FRAS1: variants seen among roughly 807,000 people sequenced by gnomAD.
The protein encoded by FRAS1 is Fraser extracellular matrix complex subunit 1, also known as extracellular matrix organizing protein FRAS1.
FRAS1 carries 290 observed loss-of-function variants against 435.2 expected under a neutral mutation model. That is an observed-to-expected ratio of 0.67 (90% CI 0.61 to 0.73). FRAS1 has a LOEUF of 0.73. FRAS1 is among the 30% of genes least tolerant of loss of function. The pLI, the probability that FRAS1 is intolerant of heterozygous loss-of-function variation, is 0.00. For synonymous variants in FRAS1, 1,800 were observed against 1,851.0 expected, an observed-to-expected ratio of 0.97 and a Z score of 0.71; for missense variants, 4,860 against 5,001.5, an observed-to-expected ratio of 0.97 and a Z score of 0.85.
At chr4:78,089,540 G>A (rs143797825) in intron 2 of FRAS1, among the ~76,000 whole-genome samples, 368 of 152,236 alleles carry the variant, frequency 2.4e-3, no homozygotes, top group African/African-American at 8.4e-3. Flanking sequence ...TATTTAGACT[G>A]TTTTGAATTG....
At chr4:78,270,048 C>T (rs1005284994) in intron 9 of FRAS1, among the ~76,000 whole-genome samples, 1 of 152,140 alleles carries the variant, frequency 6.6e-6, no homozygotes, top group Non-Finnish European at 1.5e-5. Context: ...CTGGCCTATG[C>T]AACAGAATCC....
At chr4:78,182,615 C>T (rs1271458409) in intron 2 of FRAS1, among the ~76,000 whole-genome samples, 2 of 151,868 alleles carry the variant, frequency 1.3e-5, no homozygotes, top group Admixed American at 6.6e-5. Context: ...CAGTGGCTCA[C>T]ACCTGTAATC....
intron 7 of FRAS1, 121 bp from the exon 8 acceptor site, chr4:78,266,713 G>C: frequency 1.4e-6 from 1 of 717,560 alleles, no homozygotes; most frequent in Non-Finnish European, 2.5e-6. Flanking sequence ...TTTCTCAAGA[G>C]TACATTCAAT....
At chr4:78,461,245 T>C (rs1012373847) in intron 47 of FRAS1, among the ~76,000 whole-genome samples, 54 of 152,344 alleles carry the variant, frequency 3.5e-4, no homozygotes, top group Non-Finnish European at 5.4e-4. Flanking sequence ...ATTTTTCACA[T>C]TCTCTTTAAT....
intron 3 of FRAS1, among the ~76,000 whole-genome samples, chr4:78,239,326 C>A (rs1427284661): frequency 1.3e-5 from 2 of 152,174 alleles, no homozygotes; most frequent in Admixed American, 6.5e-5. Context: ...ACATTAACAA[C>A]CCCCTCCCAG....
chr4:78,108,559 A>C (rs1742515800), intron 2 of FRAS1, among the ~76,000 whole-genome samples: 1 of 103,940 alleles, frequency 9.6e-6, no homozygotes, highest in Non-Finnish European at 1.9e-5. Context: ...AACGAGAACA[A>C]AGACACCACA....
Position 78,429,081 on chromosome 4 carries a change from T to C in FRAS1, c.4712-14T>C. ...GTGTGTGTCTCTGTGTGTGTGTGCA[T>C]TTATCCTTTTTAGTTTCAGATGGAG... On this transcript the variant is annotated splice_polypyrimidine_tract_variant and intron_variant, in intron 35 of 73. Coordinates refer to ENST00000512123, the MANE Select transcript of FRAS1 (RefSeq NM_025074.7). 6.4e-7 allele frequency: 1 copy of C among 1,551,392 alleles called. No individual in the cohort carries two copies. The highest frequency in any genetic ancestry group is 8.7e-7 in the Non-Finnish European group (1 of 1,146,652).
At chr4:78,275,258 C>T (rs1432535431) in intron 9 of FRAS1, among the ~76,000 whole-genome samples, 1 of 152,192 alleles carries the variant, frequency 6.6e-6, no homozygotes, top group Admixed American at 6.5e-5. Flanking sequence ...TTGGTCTTGA[C>T]TCTTTATCCA....
intron 2 of FRAS1, among the ~76,000 whole-genome samples, chr4:78,145,118 T>C (rs114898969): frequency 6.6e-5 from 10 of 152,328 alleles, no homozygotes; most frequent in African/African-American, 2.4e-4. Context: ...TCATTTCCAA[T>C]ACTTCCTCCA....
intron 2 of FRAS1, among the ~76,000 whole-genome samples, chr4:78,127,098 G>A (rs1241778355): frequency 7.8e-6 from 1 of 128,500 alleles, no homozygotes; most frequent in Non-Finnish European, 1.6e-5. Context: ...ATGGAAACAA[G>A]AATCTTAATA....
In FRAS1 at chr4:78,252,411, C is replaced by T. The variant is rs756021573; in HGVS notation, c.329C>T (p.Ser110Phe). Reference sequence around the variant, plus strand: ...ACACAGCATGGGACAGAATGGGCCTCTTCTCCATGTAGTGTGTGCTCTTGC... The same window carrying T: ...ACACAGCATGGGACAGAATGGGCCTTTTCTCCATGTAGTGTGTGCTCTTGC... ...KIHEHGTEWASSPCSVCSCNH... is the reference protein window; with the variant it reads ...KIHEHGTEWAFSPCSVCSCNH... Residue 110 changes from serine (S) to phenylalanine (F), a missense_variant, in exon 5 of 74, where the codon TCT becomes TTT. Coordinates refer to ENST00000512123, the MANE Select transcript of FRAS1 (RefSeq NM_025074.7). 18 of 1,613,238 alleles carry T rather than the reference C, an allele frequency of 1.1e-5. No homozygotes were observed. The Middle Eastern group carries it at 2.1e-3, about 192-fold the overall frequency.
intron 2 of FRAS1, among the ~76,000 whole-genome samples, chr4:78,200,120 G>A (rs1397831864): frequency 6.6e-6 from 1 of 152,138 alleles, no homozygotes; most frequent in Non-Finnish European, 1.5e-5. Context: ...TTGAACACAG[G>A]TCTTGTCTAA....
intron 2 of FRAS1, among the ~76,000 whole-genome samples, chr4:78,092,762 C>A (rs759161246): frequency 2.6e-5 from 4 of 152,126 alleles, no homozygotes; most frequent in South Asian, 2.1e-4. Flanking sequence ...CATAAAGAGC[C>A]TTTTTCTGTG....
At chr4:78,480,110 A>T (rs1475028038) in intron 56 of FRAS1, among the ~76,000 whole-genome samples, 3 of 152,194 alleles carry the variant, frequency 2.0e-5, no homozygotes, top group Non-Finnish European at 4.4e-5. Flanking sequence ...TAGTTATTTT[A>T]AAATGTGCAA....
intron 2 of FRAS1, among the ~76,000 whole-genome samples, chr4:78,121,269 G>A (rs1037207501): frequency 2.0e-5 from 3 of 152,228 alleles, no homozygotes; most frequent in East Asian, 3.8e-4. Flanking sequence ...ATAGGCTAAA[G>A]TAAAACAAGT....
rs376675179 is a variant in FRAS1 at position 78,266,869 on chromosome 4, G to A, written c.723G>A (p.Thr241=). 3.4e-5 allele frequency: 54 copies of A among 1,607,488 alleles called. No individual in the cohort carries two copies. The Middle Eastern group carries it at 6.6e-4, about 20-fold the overall frequency. The change falls in exon 8 of 74, where the codon ACG becomes ACA. Residue 241 remains threonine (T), a synonymous_variant. Transcript: ENST00000512123. ...AGTGGAGCGAAAATGCCTGCACCAC[G>A]TGTATATGTGACCGGGGTGAGGTCA... is the stretch of plus-strand genomic sequence containing the variant. ...GEQWSENACT[T]CICDRGEVRC...
chr4:78,334,022 C>G (rs1730058296), intron 19 of FRAS1, among the ~76,000 whole-genome samples: 1 of 152,192 alleles, frequency 6.6e-6, no homozygotes, highest in Non-Finnish European at 1.5e-5. Context: ...CTCCTGGGCT[C>G]AAGTGATCCT....
At position 78,499,784 on chromosome 4, in the gene FRAS1, T is replaced by C. The variant is rs1216347689; in HGVS notation, c.9179T>C (p.Ile3060Thr). ...CGGGAACCCGCAGGCCCAGATGCCA[T>C]TGCGATTCTGAACATCAAGGTGATC... ...QVREPAGPDA[I>T]AILNIKVIRR... The change falls in exon 61 of 74, where the codon ATT (isoleucine) becomes ACT (threonine). Residue 3060 changes from isoleucine (I) to threonine (T), a missense_variant. Physicochemically the swap from Ile to Thr is moderately conservative, Grantham distance 89 (BLOSUM62 -1). Transcript: ENST00000512123. 5.6e-6 allele frequency: 9 copies of C among 1,613,792 alleles called. No individual in the cohort carries two copies. In the African/African-American group the frequency reaches 6.7e-5, roughly 12 times the overall value.
chr4:78,111,763 A>T (rs1166956457), intron 2 of FRAS1, among the ~76,000 whole-genome samples: 4 of 151,184 alleles, frequency 2.6e-5, no homozygotes, highest in Non-Finnish European at 4.4e-5. Flanking sequence ...AAAAAAAAAA[A>T]AAAAAAAAAA....
Sources: allele counts gnomAD v4.1 joint callset (sites outside exome capture counted in the v4.1 genomes callset), GRCh38; gene constraint gnomAD v4.1.1; transcripts MANE v1.5; gene names NCBI Gene and HGNC (gene_info 2026-07-23, HGNC 2026-07-21).